ASB3: variants seen among roughly 807,000 people sequenced by gnomAD.
ASB3 encodes ankyrin repeat and SOCS box protein 3.
Under a neutral mutation model 54.5 loss-of-function variants are expected in ASB3, and 41 were observed. That is an observed-to-expected ratio of 0.75 (90% CI 0.59 to 0.98). The LOEUF (loss-of-function observed/expected upper bound fraction) is 0.98, where lower values mean the gene tolerates loss of function less well. Among genes scored for constraint, ASB3 ranks in the 50% least tolerant of loss-of-function variants. The probability of loss-of-function intolerance (pLI) is 0.00; values close to 1 mark genes in which losing one functional copy is unlikely to be tolerated. For missense variants in ASB3, 733 were observed against 620.0 expected (o/e 1.18, Z -1.94); for synonymous variants, 266 against 221.2 (o/e 1.20, Z -1.80).
At chr2:53,721,017 G>C (rs1344163013) in intron 5 of ASB3, among the ~76,000 whole-genome samples, 1 of 151,662 alleles carries the variant, frequency 6.6e-6, no homozygotes, top group Non-Finnish European at 1.5e-5. Flanking sequence ...TACTCAGGAG[G>C]CTGAGGCAGG....
chr2:53,774,407 T>C lies in ASB3; in HGVS notation c.-13-8822A>G, dbSNP rs757822415. On this transcript the variant is annotated intron_variant, in intron 1 of 9. Transcript: ENST00000263634. ...AGTGGAAGAAATACAGAATATCTTT[T>C]TGAACTTGCAAATTCTATTAGGAAC... 1.2e-6 allele frequency: 2 copies of C among 1,612,970 alleles called. No individual in the cohort carries two copies. Among genetic ancestry groups the C allele is most frequent in the South Asian group, 1.1e-5 (1 of 90,458 alleles).
chr2:53,753,433 G>A (rs1572970384), intron 2 of ASB3, among the ~76,000 whole-genome samples: 1 of 152,206 alleles, frequency 6.6e-6, no homozygotes, highest in African/African-American at 2.4e-5. Flanking sequence ...TGAACCATGT[G>A]TTCTGGAGTA....
rs141518506 is a variant in ASB3, at chr2:53,750,853, T to C, written c.285A>G (p.Val95=). ...CTGCCCCAGCTTCTAAAAGAATCTG[T>C]ACGATTTTCCAATGTCCTTGACTTG... ...LAASQGHWKI[V]QILLEAGADP... is the part of the protein sequence containing the mutation. The change falls in exon 3 of 10, where the codon GTA becomes GTG. Residue 95 remains valine (V), a synonymous_variant. Coordinates refer to ENST00000263634, the MANE Select transcript of ASB3 (RefSeq NM_016115.5). 3.1e-5 allele frequency: 50 copies of C among 1,603,780 alleles called. No individual in the cohort carries two copies. Among genetic ancestry groups the C allele is most frequent in the Non-Finnish European group, 4.0e-5 (47 of 1,175,036 alleles).
intron 2 of ASB3, among the ~76,000 whole-genome samples, chr2:53,752,518 C>T (rs1205233147): frequency 6.6e-6 from 1 of 152,230 alleles, no homozygotes; most frequent in Non-Finnish European, 1.5e-5. Context: ...AGTGCACAGG[C>T]AGCCCCTTAT....
At chr2:53,731,092 C>A (rs946565861) in intron 3 of ASB3, among the ~76,000 whole-genome samples, 4 of 152,136 alleles carry the variant, frequency 2.6e-5, no homozygotes, top group African/African-American at 9.7e-5. Flanking sequence ...CTATAAGACA[C>A]TCAGAAGTTC....
chr2:53,715,216 C>A lies in ASB3; in HGVS notation c.783-635G>T, dbSNP rs148804730. On this transcript the variant is annotated intron_variant, in intron 6 of 9. Coordinates refer to ENST00000263634, the MANE Select transcript of ASB3 (RefSeq NM_016115.5). ...TAAGAAAATAATTAAAACAAAAGTT[C>A]TTAGGTTATTTGTAAACTTACCTCT... Among the ~76,000 whole-genome samples, 557 of 152,152 alleles carry A rather than the reference C, an allele frequency of 3.7e-3. 6 individuals carry two copies. Among genetic ancestry groups the A allele is most frequent in the African/African-American group, 0.013 (526 of 41,528 alleles).
At position 53,716,621 on chromosome 2, in the gene ASB3, T is replaced by G. The variant is rs543212710; in HGVS notation, c.727A>C (p.Asn243His). The change falls in exon 6 of 10, where the codon AAT becomes CAT. Residue 243 changes from asparagine to histidine, a missense_variant. Asn to His is a moderately conservative substitution (Grantham distance 68). Coordinates refer to ENST00000263634, the MANE Select transcript of ASB3 (RefSeq NM_016115.5). ...ATAGGTAACTGCCAACTGTCCTCATTACAGTAAAGATCAGGATCTGCCCCA... is the reference window on the plus strand; with the variant it reads ...ATAGGTAACTGCCAACTGTCCTCATGACAGTAAAGATCAGGATCTGCCCCA... Reference protein sequence around the residue: ...SSGADPDLYCNEDSWQLPIHA... With the variant: ...SSGADPDLYCHEDSWQLPIHA... 11 of 1,614,070 alleles carry G rather than the reference T, an allele frequency of 6.8e-6. No individual in the cohort carries two copies. The highest frequency in any genetic ancestry group is 4.0e-5 in the African/African-American group (3 of 74,936).
chr2:53,675,221 A>T (rs1668023324), intron 9 of ASB3, among the ~76,000 whole-genome samples: 1 of 152,204 alleles, frequency 6.6e-6, no homozygotes, highest in South Asian at 2.1e-4. Context: ...CACAGAATCT[A>T]GTGATCTCCA....
rs562466698 is a variant in ASB3 at position 53,716,650 on chromosome 2, G to C, written c.698C>G (p.Ser233Cys). Residue 233 changes from serine (S) to cysteine (C), a missense_variant, in exon 6 of 10, where the codon TCC becomes TGC. Ser to Cys is a moderately radical substitution (Grantham distance 112, BLOSUM62 -1). Transcript: ENST00000263634. The stretch of plus-strand genomic sequence containing the variant: ...GTAAAGATCAGGATCTGCCCCACTG[G>C]AGAGCAAAAGCTCCACACATTTTGT... The part of the protein sequence containing the change: ...GHTKCVELLL[S>C]SGADPDLYCN... The C allele has an allele frequency of 3.2e-5, 51 of 1,614,142 alleles. 1 individual carries two copies. In the South Asian group the frequency reaches 4.4e-4, roughly 14 times the overall value.
At chr2:53,775,111 CTCT>C (rs775635151) in intron 1 of ASB3, 2 of 152,198 alleles carry the variant, frequency 1.3e-5, no homozygotes, top group Admixed American at 1.3e-4. Context: ...TGTACTGTAC[CTCT>C]TCTTTTTTAA....
At chr2:53,731,039 G>A (rs1671278361) in intron 3 of ASB3, among the ~76,000 whole-genome samples, 1 of 152,118 alleles carries the variant, frequency 6.6e-6, no homozygotes, top group Non-Finnish European at 1.5e-5. Flanking sequence ...CATTGATATT[G>A]TACTAGTTTT....
intron 9 of ASB3, among the ~76,000 whole-genome samples, chr2:53,674,917 C>T (rs1668001774): frequency 6.6e-6 from 1 of 151,680 alleles, no homozygotes; most frequent in African/African-American, 2.4e-5. Context: ...TAGGAATGGC[C>T]AGTATAAAGG....
Position 53,716,612 on chromosome 2 carries a change from T to G in ASB3, c.736A>C (p.Ser246Arg), listed in dbSNP as rs752543639. ...GCTGCATGAATAGGTAACTGCCAAC[T>G]GTCCTCATTACAGTAAAGATCAGGA... ...ADPDLYCNED[S>R]WQLPIHAAAQ... Residue 246 changes from serine (S) to arginine (R), a missense_variant, in exon 6 of 10, where the codon AGT becomes CGT. Physicochemically the swap from Ser to Arg is moderately radical, Grantham distance 110. Coordinates refer to ENST00000263634, the MANE Select transcript of ASB3 (RefSeq NM_016115.5). 9 of 1,614,024 alleles carry G rather than the reference T, an allele frequency of 5.6e-6. No homozygotes were observed. The highest frequency in any genetic ancestry group is 1.1e-5 in the South Asian group (1 of 91,076).
In ASB3 at chr2:53,756,340, A is replaced by C. The variant is rs192446097; in HGVS notation, c.197-5399T>G. Among the ~76,000 whole-genome samples, 41 of 152,288 alleles carry C rather than the reference A, an allele frequency of 2.7e-4. 1 individual carries two copies. The highest frequency in any genetic ancestry group is 8.2e-4 in the African/African-American group (34 of 41,552). On this transcript the variant is annotated intron_variant, in intron 2 of 9. Transcript: ENST00000263634. ...CTACTATATTCCCTTTCTTTGCTTA[A>C]GCTAGTTTGAACTAGGTTTCTTTCA...
intron 7 of ASB3, among the ~76,000 whole-genome samples, chr2:53,707,815 A>T (rs1669869759): frequency 6.6e-6 from 1 of 151,874 alleles, no homozygotes; most frequent in African/African-American, 2.4e-5. Context: ...TACAAAAATT[A>T]GCCGGGTATG....
intron 3 of ASB3, among the ~76,000 whole-genome samples, chr2:53,749,087 C>G (rs1220423820): frequency 6.6e-6 from 1 of 151,970 alleles, no homozygotes; most frequent in East Asian, 1.9e-4. Flanking sequence ...ATATAAGGAA[C>G]CCTTTGTACT....
chr2:53,778,510 C>T (rs1674476690), intron 1 of ASB3, among the ~76,000 whole-genome samples: 1 of 152,110 alleles, frequency 6.6e-6, no homozygotes, highest in Non-Finnish European at 1.5e-5. Context: ...GAAAAAAATT[C>T]CTCCCCTTTG....
intron 9 of ASB3, among the ~76,000 whole-genome samples, chr2:53,677,536 T>C (rs1450970862): frequency 6.6e-6 from 1 of 152,244 alleles, no homozygotes; most frequent in African/African-American, 2.4e-5. Flanking sequence ...GTGTTTTCTA[T>C]GCTCCTTTAA....
chr2:53,678,742 T>C (rs1668214794), intron 9 of ASB3, among the ~76,000 whole-genome samples: 1 of 152,218 alleles, frequency 6.6e-6, no homozygotes, highest in African/African-American at 2.4e-5. Flanking sequence ...GAACTCTGTA[T>C]AGAACATTCT....
Sources: allele counts gnomAD v4.1 joint callset (sites outside exome capture counted in the v4.1 genomes callset), GRCh38; gene constraint gnomAD v4.1.1; transcripts MANE v1.5; gene names NCBI Gene and HGNC (gene_info 2026-07-23, HGNC 2026-07-21).